Variants in MAML2 observed in about 807,000 individuals in gnomAD.
The protein encoded by MAML2 is mastermind-like protein 2.
MAML2 carries 22 observed loss-of-function variants against 96.1 expected under a neutral mutation model. The observed-to-expected ratio is 0.23, with a 90% CI of 0.16 to 0.33. The LOEUF (loss-of-function observed/expected upper bound fraction) is 0.33, where lower values mean the gene tolerates loss of function less well. Among genes scored for constraint, MAML2 ranks in the 10% least tolerant of loss-of-function variants. The probability of loss-of-function intolerance (pLI) is 1.00; values close to 1 mark genes in which losing one functional copy is unlikely to be tolerated. For missense variants in MAML2, 1,367 were observed against 1,392.4 expected, an observed-to-expected ratio of 0.98 and a Z score of 0.29; for synonymous variants, 561 against 521.3, an observed-to-expected ratio of 1.08 and a Z score of -1.04.
rs1363847800 is a variant in MAML2 at position 96,092,412 on chromosome 11, C to T, written c.1619G>A (p.Ser540Asn). 16 of 1,613,854 alleles carry T rather than the reference C, an allele frequency of 9.9e-6. No homozygotes were observed. The highest frequency in any genetic ancestry group is 1.3e-5 in the African/African-American group (1 of 74,918). Residue 540 changes from serine (S) to asparagine (N), a missense_variant, in exon 2 of 5, where the codon AGT becomes AAT. Physicochemically the swap from Ser to Asn is conservative, Grantham distance 46. Coordinates refer to ENST00000524717, the MANE Select transcript of MAML2 (RefSeq NM_032427.4). This position sits in a 1 kb window ranked among gnomAD's most constrained non-coding sequence, Gnocchi z 4.1. Reference sequence around the variant, plus strand: ...GGCTGGGTGCGGGTTGTTAATAAAACTTCGACTGAGATCCTGAGGCTTTTG... The same window carrying T: ...GGCTGGGTGCGGGTTGTTAATAAAATTTCGACTGAGATCCTGAGGCTTTTG... ...MQQKPQDLSR[S>N]FINNPHPAME...
At chr11:96,113,178 A>AC (rs1392912801) in intron 1 of MAML2, among the ~76,000 whole-genome samples, 4 of 33,190 alleles carry the variant, frequency 1.2e-4, no homozygotes, top group South Asian at 3.3e-3. Flanking sequence ...AAGACAAAAA[A>AC]AAAAAAAAAA....
At chr11:96,331,195 A>G (rs1366769398) in intron 1 of MAML2, among the ~76,000 whole-genome samples, 1 of 152,178 alleles carries the variant, frequency 6.6e-6, no homozygotes, top group Non-Finnish European at 1.5e-5. Flanking sequence ...ACTTGAGCCC[A>G]GGAGGCAGAG....
At chr11:96,315,516 C>T (rs753437899) in intron 1 of MAML2, among the ~76,000 whole-genome samples, 8 of 152,202 alleles carry the variant, frequency 5.3e-5, no homozygotes, top group Non-Finnish European at 8.8e-5. Context: ...AAAATTTAAA[C>T]TAGTCCTAGG....
At position 96,109,020 on chromosome 11, in the gene MAML2, C is replaced by CAAAA. The variant is rs10694455; in HGVS notation, c.514-15507_514-15504dup. ...AGCCTGGGCAACAGTTTGAGTGTTT[C>CAAAA]AAAAAAAAAAAAATGTATAAGCAAC... On this transcript the variant is annotated intron_variant, in intron 1 of 4. Coordinates refer to ENST00000524717, the MANE Select transcript of MAML2 (RefSeq NM_032427.4). Among the ~76,000 whole-genome samples, 118 of 144,836 alleles carry CAAAA rather than the reference C, an allele frequency of 8.1e-4. 1 individual carries two copies. Among genetic ancestry groups the CAAAA allele is most frequent in the Non-Finnish European group, 7.7e-4 (51 of 66,054 alleles).
chr11:96,070,972 C>G (rs1859336477), intron 2 of MAML2, among the ~76,000 whole-genome samples: 1 of 152,242 alleles, frequency 6.6e-6, no homozygotes, highest in Non-Finnish European at 1.5e-5. Flanking sequence ...TTTGTTGTTA[C>G]TTCAGCATCT....
At chr11:96,045,075 C>T (rs1043706751) in intron 2 of MAML2, among the ~76,000 whole-genome samples, 8 of 151,968 alleles carry the variant, frequency 5.3e-5, no homozygotes, top group Non-Finnish European at 1.0e-4. Context: ...AGCCTTGCAC[C>T]CAGGGTGGGT....
chr11:95,993,035 C>A (rs775817140), intron 2 of MAML2, among the ~76,000 whole-genome samples: 1 of 151,996 alleles, frequency 6.6e-6, no homozygotes, highest in Non-Finnish European at 1.5e-5. Context: ...GCGTGCGCCA[C>A]CTGGCTAATT....
Position 96,341,806 on chromosome 11 carries a change from C to A in MAML2, c.90G>T (p.Pro30=), listed in dbSNP as rs780658671. The change falls in exon 1 of 5, where the codon CCG becomes CCT. Residue 30 remains proline (P), a synonymous_variant. Transcript: ENST00000524717. The part of the protein sequence containing the change: ...AGLLGGGSVT[P]RVHSAIVERL... ...GCTCCACGATAGCACTGTGCACTCTCGGGGTGACTGAGCCCCCTCCAAGGA... is the reference window on the plus strand; with the variant it reads ...GCTCCACGATAGCACTGTGCACTCTAGGGGTGACTGAGCCCCCTCCAAGGA... The A allele has an allele frequency of 5.0e-6, 8 of 1,603,028 alleles. No individual in the cohort carries two copies. In the East Asian group the frequency reaches 1.3e-4, roughly 27 times the overall value.
chr11:96,177,913 TA>T (rs1861411573), intron 1 of MAML2, among the ~76,000 whole-genome samples: 3 of 134,966 alleles, frequency 2.2e-5, no homozygotes, highest in Non-Finnish European at 4.7e-5. Context: ...CTGGAGACCT[TA>T]GTTGTGTGTG....
At chr11:95,986,598 T>C (rs374816094) in intron 3 of MAML2, among the ~76,000 whole-genome samples, 32 of 152,298 alleles carry the variant, frequency 2.1e-4, no homozygotes, top group Middle Eastern at 3.4e-3. Flanking sequence ...ATTTTATCTC[T>C]TTTTTACCTT....
intron 3 of MAML2, among the ~76,000 whole-genome samples, chr11:95,990,392 T>G (rs1213371700): frequency 2.0e-5 from 3 of 152,168 alleles, no homozygotes. Flanking sequence ...GCAGGCATAA[T>G]ATGTAGTATC....
In MAML2 at chr11:96,147,667, T is replaced by C. The variant is rs372447505; in HGVS notation, c.514-54150A>G. ...CTAAAACTTTCCTTTTTTCTTTCTC[T>C]CCATTGATTTCTGGCTAAAACCCTT... On this transcript the variant is annotated intron_variant, in intron 1 of 4. Transcript: ENST00000524717. Among the ~76,000 whole-genome samples the C allele has an allele frequency of 1.7e-3, 260 of 152,376 alleles. 10 individuals are homozygous for C. The South Asian group carries it at 0.052, about 31-fold the overall frequency.
At chr11:96,009,366 T>G (rs1858233290) in intron 2 of MAML2, among the ~76,000 whole-genome samples, 1 of 152,246 alleles carries the variant, frequency 6.6e-6, no homozygotes, top group Non-Finnish European at 1.5e-5. Flanking sequence ...ACCCTACTAT[T>G]GCTTTCTATA....
At chr11:95,995,348 T>G (rs1223001582) in intron 2 of MAML2, among the ~76,000 whole-genome samples, 1 of 152,182 alleles carries the variant, frequency 6.6e-6, no homozygotes, top group Admixed American at 6.5e-5. Flanking sequence ...TGCTTCTTTC[T>G]TCTCAGTTAG....
At chr11:96,286,027 A>G (rs937233439) in intron 1 of MAML2, among the ~76,000 whole-genome samples, 10 of 152,230 alleles carry the variant, frequency 6.6e-5, no homozygotes, top group African/African-American at 2.4e-4. Flanking sequence ...ATGCATGCGT[A>G]TGTTCATTGC....
chr11:96,247,332 TA>T (rs1307099170), intron 1 of MAML2, among the ~76,000 whole-genome samples: 5 of 152,114 alleles, frequency 3.3e-5, no homozygotes, highest in Non-Finnish European at 5.9e-5. Context: ...AATTCTGAGA[TA>T]GCAGTTCAGT....
At chr11:96,073,839 G>A (rs1859389579) in intron 2 of MAML2, among the ~76,000 whole-genome samples, 1 of 152,132 alleles carries the variant, frequency 6.6e-6, no homozygotes, top group Non-Finnish European at 1.5e-5. Context: ...GAATGTACAG[G>A]TAAAAGGATC....
At chr11:96,031,676 T>G (rs1328371578) in intron 2 of MAML2, among the ~76,000 whole-genome samples, 7 of 152,194 alleles carry the variant, frequency 4.6e-5, no homozygotes, top group Admixed American at 2.6e-4. Flanking sequence ...TCCAGTTGCT[T>G]GATTTATACG....
intron 2 of MAML2, among the ~76,000 whole-genome samples, chr11:96,057,415 A>G (rs775831761): frequency 4.6e-5 from 7 of 152,142 alleles, no homozygotes; most frequent in Non-Finnish European, 8.8e-5. Flanking sequence ...CCATCTATTC[A>G]TTCATACATC....
Sources: gnomAD v4.1 joint callset for allele counts (sites outside exome capture counted in the v4.1 genomes callset) on GRCh38, gnomAD v4.1.1 for gene constraint, Gnocchi (gnomAD v3.1) non-coding constraint, MANE v1.5 for transcripts, NCBI Gene and HGNC (gene_info 2026-07-23, HGNC 2026-07-21) for gene names.